The following MR1 variants were observed in gnomAD, a reference collection of about 807,000 sequenced individuals.
MR1 encodes the protein major histocompatibility complex, class I-related.
In MR1, 44 loss-of-function variants were observed where a neutral mutation model predicts 37.8. The observed-to-expected ratio is 1.16, with a 90% CI of 0.91 to 1.50. MR1 has a LOEUF of 1.50. MR1 is among the 40% of genes most tolerant of loss of function. MR1 has a pLI of 0.00. For synonymous variants in MR1, 153 were observed against 155.8 expected, an observed-to-expected ratio of 0.98 and a Z score of 0.13; for missense variants, 386 against 419.1, an observed-to-expected ratio of 0.92 and a Z score of 0.69.
chr1:181,049,988 C>T (rs745862016), intron 2 of MR1, 23 bp from the exon 3 acceptor site: 5 of 1,606,448 alleles, frequency 3.1e-6, no homozygotes, highest in Admixed American at 1.7e-5. Flanking sequence ...GTGGACCCCT[C>T]TGGGCTTCTG....
intron 1 of MR1, among the ~76,000 whole-genome samples, chr1:181,042,200 A>ATTTT (rs373949499): frequency 1.5e-5 from 2 of 134,122 alleles, no homozygotes; most frequent in African/African-American, 2.8e-5. Context: ...ATCAAAGATA[A>ATTTT]TTTTTTTTTT....
intron 1 of MR1, among the ~76,000 whole-genome samples, chr1:181,040,671 A>G (rs1430659128): frequency 6.6e-6 from 1 of 152,126 alleles, no homozygotes; most frequent in Non-Finnish European, 1.5e-5. Context: ...TGACTGAAAA[A>G]GCAAGTCCAG....
rs1010814265 is a variant in MR1 at position 181,057,428 on chromosome 1, C to T, written c.*2163C>T. ...AGGATGTAATATATTTTTGGGTGGG[C>T]ATTTAAAGTGAAAAGGTACATATTT... On this transcript the variant is annotated 3_prime_UTR_variant, in exon 6 of 6. Coordinates refer to ENST00000367580, the MANE Select transcript of MR1 (RefSeq NM_001385161.1). 5 of 152,250 alleles carry T rather than the reference C, an allele frequency of 3.3e-5. 1 individual carries two copies. The highest frequency in any genetic ancestry group is 6.8e-3 in the Middle Eastern group (2 of 294). The allele number at this position is 152,250 out of a possible 1,614,324, so 9.4% of individuals were successfully genotyped here.
chr1:181,047,925 TA>T (rs1658000825), intron 1 of MR1, among the ~76,000 whole-genome samples: 1 of 135,582 alleles, frequency 7.4e-6, no homozygotes. Context: ...AAAAAATAAA[TA>T]AAATAAATAG....
chr1:181,042,764 G>T (rs918695300), intron 1 of MR1, among the ~76,000 whole-genome samples: 3 of 151,946 alleles, frequency 2.0e-5, no homozygotes, highest in African/African-American at 7.2e-5. Context: ...CCGAGATCAC[G>T]CCACTGCACT....
At chr1:181,043,770 T>C (rs977685545) in intron 1 of MR1, among the ~76,000 whole-genome samples, 2 of 152,114 alleles carry the variant, frequency 1.3e-5, no homozygotes, top group Non-Finnish European at 2.9e-5. Flanking sequence ...GAGATACCTC[T>C]CAGGGCCTCT....
intron 1 of MR1, among the ~76,000 whole-genome samples, chr1:181,039,381 G>A (rs1215237728): frequency 6.6e-6 from 1 of 152,168 alleles, no homozygotes; most frequent in African/African-American, 2.4e-5. Flanking sequence ...AGTGGCTGGA[G>A]CACTCCATTG....
chr1:181,042,949 G>A lies in MR1; in HGVS notation c.68-6103G>A, dbSNP rs960534087. Among the ~76,000 whole-genome samples, 4 of 152,310 alleles carry A rather than the reference G, an allele frequency of 2.6e-5. No homozygotes were observed. The East Asian group carries it at 7.7e-4, about 29-fold the overall frequency. ...CCATGTGCCAAGCTCCCTGTGCTAA[G>A]CTTTGCAGGAAATACAAAGGAAAAA... On this transcript the variant is annotated intron_variant, in intron 1 of 5. Transcript: ENST00000367580.
intron 1 of MR1, among the ~76,000 whole-genome samples, chr1:181,034,599 C>T (rs1657175503): frequency 6.6e-6 from 1 of 152,122 alleles, no homozygotes; most frequent in Non-Finnish European, 1.5e-5. Flanking sequence ...TTTCATTATT[C>T]GGGGAGCTCA....
rs774617790 is a variant in MR1, at chr1:181,034,088, G to A, written c.67+14G>A. 3.3e-5 allele frequency: 53 copies of A among 1,609,514 alleles called. No homozygotes were observed. Among genetic ancestry groups the A allele is most frequent in the South Asian group, 7.8e-5 (7 of 90,266 alleles). On this transcript the variant is annotated intron_variant, in intron 1 of 5. Transcript: ENST00000367580. ...ACAGCGATTCCCGTGAGTATCCCAC[G>A]TCCTCTTCTCTCCTAACTCCAAAGT...
chr1:181,059,329 C>G lies in MR1; in HGVS notation c.*4064C>G, dbSNP rs77505613. The G allele has an allele frequency of 6.6e-6, 1 of 152,364 alleles. No individual in the cohort carries two copies. The highest frequency in any genetic ancestry group is 2.4e-5 in the African/African-American group (1 of 41,442). 9.4% of individuals were successfully genotyped at this position (152,364 alleles called of 1,614,324 possible). A position where few individuals can be genotyped will look rare whatever the true frequency, so the allele number is the denominator to read the frequency against. ...CTCTGCATCTCCTTTTCACTCTGGC[C>G]TCCCTTTCTCCATTGTCCTTCTAGC... On this transcript the variant is annotated 3_prime_UTR_variant, in exon 6 of 6. Coordinates refer to ENST00000367580, the MANE Select transcript of MR1 (RefSeq NM_001385161.1).
At chr1:181,053,196 A>G (rs1658421895) in intron 4 of MR1, among the ~76,000 whole-genome samples, 1 of 152,150 alleles carries the variant, frequency 6.6e-6, no homozygotes, top group African/African-American at 2.4e-5. Flanking sequence ...AGCCTGGGCA[A>G]CATACTGAGA....
intron 4 of MR1, 126 bp from the exon 5 acceptor site, chr1:181,053,447 G>A (rs1658433431): frequency 7.6e-6 from 5 of 654,816 alleles, no homozygotes; most frequent in South Asian, 3.8e-5. Context: ...TCAGATTGAT[G>A]AGTGAGAAGC....
rs2102411082 is a variant in MR1, at chr1:181,057,555, A to G, written c.*2290A>G. 1 of 152,302 alleles carries G rather than the reference A, an allele frequency of 6.6e-6. No homozygotes were observed. The highest frequency in any genetic ancestry group is 1.9e-4 in the East Asian group (1 of 5,192). 9.4% of individuals were successfully genotyped at this position (152,302 alleles called of 1,614,324 possible). A position where few individuals can be genotyped will look rare whatever the true frequency, so the allele number is the denominator to read the frequency against. On this transcript the variant is annotated 3_prime_UTR_variant, in exon 6 of 6. Transcript: ENST00000367580. ...CAGATAAAAAGCCTCTGTGTTTCCA[A>G]GGCCTTGCCCTACACCTAACACATA...
chr1:181,046,147 C>T (rs959264999), intron 1 of MR1, among the ~76,000 whole-genome samples: 3 of 152,176 alleles, frequency 2.0e-5, no homozygotes, highest in East Asian at 1.9e-4. Flanking sequence ...GCCCGAGCCT[C>T]CCCGATGAGC....
At chr1:181,040,058 T>C (rs1206060689) in intron 1 of MR1, among the ~76,000 whole-genome samples, 1 of 152,134 alleles carries the variant, frequency 6.6e-6, no homozygotes, top group Non-Finnish European at 1.5e-5. Flanking sequence ...TAAGAGTTTT[T>C]GGTTGTGTCG....
Position 181,058,644 on chromosome 1 carries a change from T to G in MR1, c.*3379T>G, listed in dbSNP as rs549314940. On this transcript the variant is annotated 3_prime_UTR_variant, in exon 6 of 6. Transcript: ENST00000367580. The stretch of plus-strand genomic sequence containing the variant: ...GCCTGAGAGAAGATGTTTTTGCACT[T>G]GTAGCTATGAGGAACAGATTGTCCA... 6.6e-6 allele frequency: 1 copy of G among 152,296 alleles called. No individual in the cohort carries two copies. The highest frequency in any genetic ancestry group is 2.1e-4 in the South Asian group (1 of 4,830). The allele number at this position is 152,296 out of a possible 1,614,324, so 9.4% of individuals were successfully genotyped here.
chr1:181,035,195 C>G (rs1657209720), intron 1 of MR1, among the ~76,000 whole-genome samples: 1 of 151,940 alleles, frequency 6.6e-6, no homozygotes, highest in African/African-American at 2.4e-5. Context: ...AAAAAATTAG[C>G]TGTGCACAGT....
chr1:181,056,405 A>ATAATAATAATAG lies in MR1; in HGVS notation c.*1140_*1141insTAATAATAATAG, dbSNP rs71121068. The ATAATAATAATAG allele has an allele frequency of 8.2e-5, 12 of 146,094 alleles. No individual in the cohort carries two copies. The highest frequency in any genetic ancestry group is 2.8e-4 in the African/African-American group (11 of 38,948). The allele number at this position is 146,094 out of a possible 1,614,324, so 9.0% of individuals were successfully genotyped here. Reference sequence around the variant, plus strand: ...AATAATAATAATAATAATAATAATAACAGTATATTTGGTGTCAGGAGAGGG... The same window carrying ATAATAATAATAG: ...AATAATAATAATAATAATAATAATAATAATAATAATAGCAGTATATTTGGTGTCAGGAGAGGG... On this transcript the variant is annotated 3_prime_UTR_variant, in exon 6 of 6. Coordinates refer to ENST00000367580, the MANE Select transcript of MR1 (RefSeq NM_001385161.1).
Sources: allele counts gnomAD v4.1 joint callset (sites outside exome capture counted in the v4.1 genomes callset), GRCh38; gene constraint gnomAD v4.1.1; transcripts MANE v1.5; gene names NCBI Gene and HGNC (gene_info 2026-07-23, HGNC 2026-07-21).